THBS3: variants seen among roughly 807,000 people sequenced by gnomAD.
THBS3 encodes the protein thrombospondin 3, also known as thrombospondin-3.
A neutral mutation model predicts 118.3 loss-of-function variants in THBS3; 78 were observed. That is an observed-to-expected ratio of 0.66 (90% CI 0.55 to 0.80). The LOEUF is 0.80. Ranked by LOEUF, THBS3 falls within the 30% of genes least tolerant of loss-of-function variation. The pLI, the probability that THBS3 is intolerant of heterozygous loss-of-function variation, is 0.00. For missense variants in THBS3, 1,057 were observed against 1,247.4 expected (o/e 0.85, Z 2.30); for synonymous variants, 427 against 475.3 (o/e 0.90, Z 1.32).
At position 155,202,775 on chromosome 1, in the gene THBS3, A is replaced by G; in HGVS notation, c.957+37T>C. On this transcript the variant is annotated intron_variant, in intron 8 of 22. Coordinates refer to ENST00000368378, the MANE Select transcript of THBS3 (RefSeq NM_007112.5). The surrounding 1 kb of genome is among the most constrained non-coding windows in gnomAD (Gnocchi z 5.5). Reference sequence around the variant, plus strand: ...GGGTGCCTCCTGACATCCTCACCCCAGTTTTCTGTACCCTTCTGGGCTCTG... The same window carrying G: ...GGGTGCCTCCTGACATCCTCACCCCGGTTTTCTGTACCCTTCTGGGCTCTG... 6.3e-7 allele frequency: 1 copy of G among 1,579,114 alleles called. No individual in the cohort carries two copies. Among genetic ancestry groups the G allele is most frequent in the Non-Finnish European group, 8.6e-7 (1 of 1,161,424 alleles).
chr1:155,205,483 A>C, intron 2 of THBS3, 167 bp from the exon 3 acceptor site: 1 of 1,037,048 alleles, frequency 9.6e-7, no homozygotes, highest in South Asian at 1.7e-5. Flanking sequence ...AATGTTTTTG[A>C]AATTGCTTTA....
At chr1:155,209,099 G>T, upstream of THBS3, 1 of 1,543,180 alleles carries the variant, frequency 6.5e-7, no homozygotes. Flanking sequence ...CCGCAGTTCA[G>T]CTGCCAGTCG....
chr1:155,201,622 C>T, intron 10 of THBS3, 53 bp from the exon 11 acceptor site: 1 of 1,577,184 alleles, frequency 6.3e-7, no homozygotes, highest in Non-Finnish European at 8.6e-7. Flanking sequence ...ACCAGGCACC[C>T]AGGACCAGCA....
rs1357446501 is a variant in THBS3 at position 155,197,767 on chromosome 1, C to T, written c.2303-108G>A. 1 of 1,590,054 alleles carries T rather than the reference C, an allele frequency of 6.3e-7. No homozygotes were observed. The highest frequency in any genetic ancestry group is 1.3e-5 in the African/African-American group (1 of 74,400). On this transcript the variant is annotated intron_variant, in intron 19 of 22. Coordinates refer to ENST00000368378, the MANE Select transcript of THBS3 (RefSeq NM_007112.5). This position sits in a 1 kb window ranked among gnomAD's most constrained non-coding sequence, Gnocchi z 5.0. ...CTATGTATGTGGCCAGCTTGTGCCA[C>T]TGCCTTCTCTCTCGCCACTTTGCCC...
Position 155,197,373 on chromosome 1 carries a change from T to C in THBS3, c.2499+90A>G. ...CAAGCCAGATGTCTGGGTAAGAGGG[T>C]TCCCAGTCAAGCAGTGGGGGAGGCC... On this transcript the variant is annotated intron_variant, in intron 20 of 22. Coordinates refer to ENST00000368378, the MANE Select transcript of THBS3 (RefSeq NM_007112.5). This position sits in a 1 kb window ranked among gnomAD's most constrained non-coding sequence, Gnocchi z 5.0. 8 of 1,544,130 alleles carry C rather than the reference T, an allele frequency of 5.2e-6. No homozygotes were observed. The highest frequency in any genetic ancestry group is 1.7e-5 in the Admixed American group (1 of 57,176).
Position 155,202,783 on chromosome 1 carries a change from G to A in THBS3, c.957+29C>T. On this transcript the variant is annotated intron_variant, in intron 8 of 22. Coordinates refer to ENST00000368378, the MANE Select transcript of THBS3 (RefSeq NM_007112.5). This position sits in a 1 kb window ranked among gnomAD's most constrained non-coding sequence, Gnocchi z 5.5. ...CCTGACATCCTCACCCCAGTTTTCT[G>A]TACCCTTCTGGGCTCTGACCTCCCT... 1.9e-6 allele frequency: 3 copies of A among 1,589,574 alleles called. No homozygotes were observed. The highest frequency in any genetic ancestry group is 2.6e-6 in the Non-Finnish European group (3 of 1,166,758).
In THBS3 at chr1:155,199,791, A is replaced by G. The variant is rs775555880; in HGVS notation, c.1880+13T>C. ...AAAAAGAAAGACCTTGCGTCTCTTG[A>G]CCAAGACCTTACCTGTCTTCATTAG... On this transcript the variant is annotated intron_variant, in intron 16 of 22. Coordinates refer to ENST00000368378, the MANE Select transcript of THBS3 (RefSeq NM_007112.5). 14 of 1,614,034 alleles carry G rather than the reference A, an allele frequency of 8.7e-6. No individual in the cohort carries two copies. Among genetic ancestry groups the G allele is most frequent in the Admixed American group, 5.0e-5 (3 of 60,004 alleles).
rs147658492 is a variant in THBS3 at position 155,199,037 on chromosome 1, T to C, written c.1881-435A>G. On this transcript the variant is annotated intron_variant, in intron 16 of 22. Coordinates refer to ENST00000368378, the MANE Select transcript of THBS3 (RefSeq NM_007112.5). ...CGGGAGGCTGAGGCAGGAAAATCGC[T>C]TGAACCCTGGAGGTGGAGGTCGCAG... Among the ~76,000 whole-genome samples, 1,422 of 148,142 alleles carry C rather than the reference T, an allele frequency of 9.6e-3. 34 individuals carry two copies. Among genetic ancestry groups the C allele is most frequent in the African/African-American group, 0.034 (1,352 of 40,058 alleles).
intron 4 of THBS3, 189 bp downstream of exon 4, chr1:155,204,666 T>C (rs2148010937): frequency 1.6e-6 from 1 of 606,068 alleles, no homozygotes; most frequent in East Asian, 2.8e-5. Flanking sequence ...CTTAGATCAC[T>C]TTTTTTCTCG....
At chr1:155,208,707 G>C, upstream of THBS3, 30 of 1,035,740 alleles carry the variant, frequency 2.9e-5, no homozygotes, top group Admixed American at 6.5e-5. Context: ...CCAAGCCCCA[G>C]CCCGGCCTCC....
At position 155,206,768 on chromosome 1, in the gene THBS3, A is replaced by G. The variant is rs901428269; in HGVS notation, c.80-362T>C. On this transcript the variant is annotated intron_variant, in intron 1 of 22. Coordinates refer to ENST00000368378, the MANE Select transcript of THBS3 (RefSeq NM_007112.5). This position sits in a 1 kb window ranked among gnomAD's most constrained non-coding sequence, Gnocchi z 4.2. ...GAGGCAGGAGACTCGCTTGAACCTG[A>G]GAGGTGGAGGTTGCAGTGAGCCGAG... Among the ~76,000 whole-genome samples the G allele has an allele frequency of 1.3e-5, 2 of 151,940 alleles. No individual in the cohort carries two copies. The highest frequency in any genetic ancestry group is 4.8e-5 in the African/African-American group (2 of 41,332).
rs1668876031 is a variant in THBS3 at position 155,197,513 on chromosome 1, A to G, written c.2449T>C (p.Trp817Arg). Residue 817 changes from tryptophan to arginine, a missense_variant, in exon 20 of 23, where the codon TGG becomes CGG. Physicochemically the swap from Trp to Arg is moderately radical, Grantham distance 101. Transcript: ENST00000368378. The surrounding 1 kb of genome is among the most constrained non-coding windows in gnomAD (Gnocchi z 5.0). ...VMWKQTEQTY[W>R]QATPFRAVAQ... ...ACCGCCCGGAAGGGTGTAGCCTGCC[A>G]GTAGGTCTGCTCGGTCTGCTTCCAC... 4 of 1,614,112 alleles carry G rather than the reference A, an allele frequency of 2.5e-6. No homozygotes were observed. The highest frequency in any genetic ancestry group is 3.4e-6 in the Non-Finnish European group (4 of 1,180,026).
chr1:155,208,789 A>C, upstream of THBS3: 1 of 1,509,620 alleles, frequency 6.6e-7, no homozygotes, highest in Non-Finnish European at 8.9e-7. Context: ...TCCAAACATA[A>C]CGCGCTGTGG....
chr1:155,204,748 G>T, intron 4 of THBS3, 107 bp downstream of exon 4: 1 of 1,040,926 alleles, frequency 9.6e-7, no homozygotes, highest in Non-Finnish European at 1.5e-6. Context: ...CTAGGAACAG[G>T]TGAGCCAAAG....
chr1:155,200,762 G>A, intron 13 of THBS3, 135 bp downstream of exon 13: 1 of 1,572,998 alleles, frequency 6.4e-7, no homozygotes, highest in Non-Finnish European at 8.6e-7. Flanking sequence ...TCCTTGTCCT[G>A]GGCACGAGGT....
upstream of THBS3, chr1:155,208,947 C>A (rs774957655): frequency 5.6e-6 from 9 of 1,609,790 alleles, no homozygotes; most frequent in Non-Finnish European, 7.6e-6. Flanking sequence ...GAGCCTGCCG[C>A]GCCTTCAGGG....
At chr1:155,203,633 A>G (rs1670133123) in intron 4 of THBS3, 94 bp from the exon 5 acceptor site, 1 of 1,484,116 alleles carries the variant, frequency 6.7e-7, no homozygotes, top group Non-Finnish European at 9.3e-7. Flanking sequence ...GGACAGGGAC[A>G]GGGCTGGAGC....
At chr1:155,201,684 A>C in intron 10 of THBS3, 115 bp from the exon 11 acceptor site, 1 of 1,209,012 alleles carries the variant, frequency 8.3e-7, no homozygotes, top group South Asian at 1.4e-5. Context: ...CAGGCATATC[A>C]GTATCTCCTT....
In THBS3 at chr1:155,205,287, T is replaced by C. The variant is rs1286867344; in HGVS notation, c.316A>G (p.Lys106Glu). The C allele has an allele frequency of 1.2e-6, 2 of 1,614,066 alleles. No individual in the cohort carries two copies. The highest frequency in any genetic ancestry group is 2.2e-5 in the East Asian group (1 of 44,882). ...TGCTGTAGGTTCACGGCGTGGACTT[T>C]GCCATCCTCCCGCTGGTATCGCACC... ...VLVRYQREDG[K>E]VHAVNLQQAG... The change falls in exon 3 of 23, where the codon AAA (lysine) becomes GAA (glutamate). Residue 106 changes from lysine (K) to glutamate (E), a missense_variant. This residue lies in a region of THBS3 where 206 missense variants were observed against 205.7 expected (regional missense o/e 1.00). Transcript: ENST00000368378.
Sources: allele counts gnomAD v4.1 joint callset (sites outside exome capture counted in the v4.1 genomes callset), GRCh38; gene constraint gnomAD v4.1.1; regional missense constraint gnomAD v4.1.1; non-coding constraint Gnocchi (gnomAD v3.1); transcripts MANE v1.5; gene names NCBI Gene and HGNC (gene_info 2026-07-23, HGNC 2026-07-21).